Variants in GBE1 observed in about 807,000 individuals in gnomAD.
GBE1 encodes 1,4-alpha-glucan branching enzyme 1, also known as 1,4-alpha-glucan-branching enzyme.
In GBE1, 70 loss-of-function variants were observed where a neutral mutation model predicts 88.8. That is an observed-to-expected ratio of 0.79 (90% CI 0.65 to 0.96). The LOEUF (loss-of-function observed/expected upper bound fraction) is 0.96. Among genes scored for constraint, GBE1 ranks in the 40% least tolerant of loss-of-function variants. GBE1 has a pLI of 0.00. For synonymous variants in GBE1, 284 were observed against 300.1 expected (o/e 0.95, Z 0.56); for missense variants, 872 against 871.0 (o/e 1.00, Z -0.01).
intron 2 of GBE1, among the ~76,000 whole-genome samples, chr3:81,703,329 G>A (rs1220270001): frequency 6.6e-6 from 1 of 152,052 alleles, no homozygotes; most frequent in African/African-American, 2.4e-5. Flanking sequence ...AAGCTAATCT[G>A]AATTATCAGA....
chr3:81,598,160 T>C (rs1239817826), intron 7 of GBE1, among the ~76,000 whole-genome samples: 2 of 152,128 alleles, frequency 1.3e-5, no homozygotes, highest in South Asian at 2.1e-4. Context: ...CTTAGTTCAC[T>C]GGATGTTACT....
At position 81,642,983 on chromosome 3, in the gene GBE1, C is replaced by T. The variant is rs1300268316; in HGVS notation, c.790G>A (p.Gly264Arg). 8 of 1,605,364 alleles carry T rather than the reference C, an allele frequency of 5.0e-6. No individual in the cohort carries two copies. Among genetic ancestry groups the T allele is most frequent in the Admixed American group, 1.7e-5 (1 of 58,806 alleles). Residue 264 changes from glycine to arginine, a missense_variant, in exon 7 of 16, where the codon GGA becomes AGA. Coordinates refer to ENST00000429644, the MANE Select transcript of GBE1 (RefSeq NM_000158.4). ...AGTTCTTGTAGCTCTTCAGGTGTTC[C>T]ATAACGGCTAACAATGAAGAACACA... ...TSFFAASSRY[G>R]TPEELQELVD...
chr3:81,670,206 C>A (rs373235501), intron 3 of GBE1, among the ~76,000 whole-genome samples: 1 of 152,112 alleles, frequency 6.6e-6, no homozygotes, highest in East Asian at 1.9e-4. Context: ...CAAGAGCAGC[C>A]GACTCTAACT....
At chr3:81,542,306 G>T (rs1703153718) in intron 12 of GBE1, among the ~76,000 whole-genome samples, 1 of 151,854 alleles carries the variant, frequency 6.6e-6, no homozygotes, top group Non-Finnish European at 1.5e-5. Flanking sequence ...TAATATTTCT[G>T]TGTTATAAAA....
chr3:81,501,840 G>A (rs1404085968), intron 14 of GBE1, among the ~76,000 whole-genome samples: 1 of 151,400 alleles, frequency 6.6e-6, no homozygotes, highest in East Asian at 2.0e-4. Context: ...TGAGATCACA[G>A]ACACAGACAC....
At chr3:81,684,154 C>T (rs948226847) in intron 2 of GBE1, among the ~76,000 whole-genome samples, 5 of 152,112 alleles carry the variant, frequency 3.3e-5, no homozygotes, top group African/African-American at 1.2e-4. Flanking sequence ...GTAACAAAGA[C>T]CAAATCACAG....
chr3:81,586,266 T>C (rs994865740), intron 9 of GBE1, 76 bp from the exon 10 acceptor site: 2 of 883,104 alleles, frequency 2.3e-6, no homozygotes, highest in Non-Finnish European at 3.5e-6. Flanking sequence ...GGTCAATAAA[T>C]GAAAACAATA....
chr3:81,702,394 G>C (rs998601175), intron 2 of GBE1, among the ~76,000 whole-genome samples: 5 of 151,904 alleles, frequency 3.3e-5, no homozygotes, highest in African/African-American at 4.8e-5. Flanking sequence ...CATTCACAAA[G>C]AGACTTTGAG....
intron 11 of GBE1, among the ~76,000 whole-genome samples, chr3:81,579,369 T>C (rs1413831814): frequency 6.6e-6 from 1 of 152,134 alleles, no homozygotes; most frequent in Non-Finnish European, 1.5e-5. Context: ...TCTGCTATCC[T>C]GAGAATTCCT....
chr3:81,535,450 T>A, intron 13 of GBE1, 125 bp from the exon 14 acceptor site: 1 of 908,052 alleles, frequency 1.1e-6, no homozygotes, highest in Non-Finnish European at 1.6e-6. Context: ...AACACTATAT[T>A]TTTTTGAACA....
intron 1 of GBE1, among the ~76,000 whole-genome samples, chr3:81,710,632 G>T (rs1265747964): frequency 6.6e-6 from 1 of 151,918 alleles, no homozygotes; most frequent in Non-Finnish European, 1.5e-5. Context: ...GAACCTCATA[G>T]ATTGTAAGGA....
chr3:81,654,421 A>G (rs1704900334), intron 3 of GBE1, among the ~76,000 whole-genome samples: 1 of 152,146 alleles, frequency 6.6e-6, no homozygotes, highest in Admixed American at 6.5e-5. Flanking sequence ...TACTGAGATA[A>G]TATGTTCCTT....
chr3:81,757,935 ATC>A (rs1312121635), intron 1 of GBE1, among the ~76,000 whole-genome samples: 1 of 152,152 alleles, frequency 6.6e-6, no homozygotes, highest in Non-Finnish European at 1.5e-5. Context: ...AACCTTGAAA[ATC>A]TCTTACATTA....
chr3:81,741,913 C>A (rs1219045394), intron 1 of GBE1, among the ~76,000 whole-genome samples: 1 of 148,688 alleles, frequency 6.7e-6, no homozygotes, highest in Non-Finnish European at 1.5e-5. Context: ...TAGTTTAGCC[C>A]TCCACCTCCC....
At chr3:81,760,852 G>C (rs1028731996) in intron 1 of GBE1, among the ~76,000 whole-genome samples, 1 of 152,158 alleles carries the variant, frequency 6.6e-6, no homozygotes, top group African/African-American at 2.4e-5. Context: ...CCTAAATGAG[G>C]AATATTAGCA....
chr3:81,629,891 G>A (rs746060571), intron 7 of GBE1, among the ~76,000 whole-genome samples: 114 of 58,824 alleles, frequency 1.9e-3, no homozygotes, highest in Admixed American at 5.4e-3. Context: ...AACAGTCCCC[G>A]GTGTGTGATC....
intron 7 of GBE1, among the ~76,000 whole-genome samples, chr3:81,619,446 T>C (rs1472272058): frequency 6.6e-6 from 1 of 152,154 alleles, no homozygotes; most frequent in Non-Finnish European, 1.5e-5. Context: ...CTATAGATTA[T>C]CATGCTAATT....
chr3:81,750,390 T>G (rs560969791), intron 1 of GBE1, among the ~76,000 whole-genome samples: 1 of 150,768 alleles, frequency 6.6e-6, no homozygotes, highest in Admixed American at 6.6e-5. Flanking sequence ...ATTTTTAATT[T>G]TGTTCTCCTT....
rs750953059 is a variant in GBE1, at chr3:81,499,222, T to C, written c.1940A>G (p.Lys647Arg). The change falls in exon 15 of 16, where the codon AAA becomes AGA. Residue 647 changes from lysine (K) to arginine (R), a missense_variant. Lys to Arg is a conservative substitution (Grantham distance 26, BLOSUM62 2). Transcript: ENST00000429644. ...CGCTGCATCTGAATCTAGCACAATT[T>C]TGAATGTACAGCTCTTAAGGAATTC... is the stretch of plus-strand genomic sequence containing the variant. ...RVGTALPGKFKIVLDSDAAEY... is the reference protein window; with the variant it reads ...RVGTALPGKFRIVLDSDAAEY... The C allele has an allele frequency of 1.9e-6, 3 of 1,585,084 alleles. No homozygotes were observed. Among genetic ancestry groups the C allele is most frequent in the African/African-American group, 1.3e-5 (1 of 74,450 alleles).
Sources: allele counts gnomAD v4.1 joint callset (sites outside exome capture counted in the v4.1 genomes callset), GRCh38; gene constraint gnomAD v4.1.1; transcripts MANE v1.5; gene names NCBI Gene and HGNC (gene_info 2026-07-23, HGNC 2026-07-21).